Variants in TRAK1 observed in about 807,000 individuals in gnomAD.
TRAK1 encodes the protein trafficking kinesin protein 1.
In TRAK1, 33 loss-of-function variants were observed where a neutral mutation model predicts 92.1. The ratio of observed to expected loss-of-function variants is 0.36; its 90% confidence interval spans 0.27 to 0.48. The LOEUF (loss-of-function observed/expected upper bound fraction) is 0.48. TRAK1 is among the 20% of genes least tolerant of loss of function. The probability of loss-of-function intolerance (pLI) is 0.99; values close to 1 mark genes in which losing one functional copy is unlikely to be tolerated. For missense variants in TRAK1, 1,123 were observed against 1,257.9 expected, an observed-to-expected ratio of 0.89 and a Z score of 1.62; for synonymous variants, 521 against 517.3, an observed-to-expected ratio of 1.01 and a Z score of -0.10.
Position 42,110,108 on chromosome 3 carries a change from A to G in TRAK1, c.92-15312A>G, listed in dbSNP as rs1328846032. On this transcript the variant is annotated intron_variant, in intron 1 of 15. Coordinates refer to ENST00000327628, the MANE Select transcript of TRAK1 (RefSeq NM_001042646.3). ...TAGAACTTAAAGTATATATATATAT[A>G]TATATATATATATATATATATATAA... is the stretch of plus-strand genomic sequence containing the variant. 4.1e-4 allele frequency among the ~76,000 whole-genome samples: 53 copies of G among 129,484 alleles called. 2 individuals carry two copies. Among genetic ancestry groups the G allele is most frequent in the African/African-American group, 1.4e-3 (48 of 33,228 alleles). 84.9% of individuals were successfully genotyped at this position (129,484 alleles called of 152,430 possible).
rs1298621115 is a variant in TRAK1, at chr3:42,189,188, C to T, written c.690+64C>T. ...TGGTGGCCCCATTCGCCTTATCTGG[C>T]AAGGACAACCATGGTTAAGTGCCCT... On this transcript the variant is annotated intron_variant, in intron 6 of 15. Transcript: ENST00000327628. 3.2e-6 allele frequency: 4 copies of T among 1,254,048 alleles called. No individual in the cohort carries two copies. The African/African-American group carries it at 4.4e-5, about 14-fold the overall frequency. 77.7% of individuals were successfully genotyped at this position (1,254,048 alleles called of 1,614,324 possible). A position where few individuals can be genotyped will look rare whatever the true frequency, so the allele number is the denominator to read the frequency against.
At chr3:42,061,780 C>G (rs1469865742) in intron 1 of TRAK1, among the ~76,000 whole-genome samples, 1 of 152,168 alleles carries the variant, frequency 6.6e-6, no homozygotes, top group Non-Finnish European at 1.5e-5. Flanking sequence ...ACTAATGAAT[C>G]AGGAGCAACA....
chr3:42,096,817 T>A (rs1320541975), intron 1 of TRAK1, among the ~76,000 whole-genome samples: 1 of 152,176 alleles, frequency 6.6e-6, no homozygotes, highest in Non-Finnish European at 1.5e-5. Flanking sequence ...GTAAGTTGTT[T>A]TCAGTTCTTG....
At chr3:42,188,240 G>A (rs1705183850) in intron 5 of TRAK1, 95 bp downstream of exon 5, 3 of 1,123,186 alleles carry the variant, frequency 2.7e-6, no homozygotes, top group Non-Finnish European at 4.1e-6. Context: ...ACCTTCAGCA[G>A]CAATGGAGGT....
At chr3:42,210,929 G>C (rs1053347693) in intron 14 of TRAK1, 1 of 985,292 alleles carries the variant, frequency 1.0e-6, no homozygotes, top group Non-Finnish European at 1.2e-6. Context: ...GAAAAGCTTT[G>C]TGCTCAGAGC....
chr3:42,151,229 C>T, intron 2 of TRAK1: 1 of 402,074 alleles, frequency 2.5e-6, no homozygotes, highest in Non-Finnish European at 4.8e-6. Context: ...CCATCCAGTT[C>T]CCTTTACACC....
intron 1 of TRAK1, among the ~76,000 whole-genome samples, chr3:42,041,363 C>T (rs2148902108): frequency 6.6e-6 from 1 of 151,788 alleles, no homozygotes; most frequent in Non-Finnish European, 1.5e-5. Context: ...TATTTTATTC[C>T]TTTTGATGTT....
intron 2 of TRAK1, among the ~76,000 whole-genome samples, chr3:42,154,677 T>A (rs1317967731): frequency 6.6e-6 from 1 of 152,154 alleles, no homozygotes; most frequent in Non-Finnish European, 1.5e-5. Context: ...GTGATCCTCC[T>A]GTCTCAGCCT....
chr3:42,213,335 G>C (rs529117468), intron 14 of TRAK1, among the ~76,000 whole-genome samples: 15 of 152,252 alleles, frequency 9.9e-5, no homozygotes, highest in African/African-American at 3.6e-4. Flanking sequence ...GGGATTCCTG[G>C]TGTGAGCCAC....
chr3:42,068,045 C>T (rs531066770), intron 1 of TRAK1, among the ~76,000 whole-genome samples: 112 of 151,528 alleles, frequency 7.4e-4, no homozygotes, highest in Non-Finnish European at 8.5e-4. Flanking sequence ...ATGGTGGGTG[C>T]CTGTAATGGG....
At chr3:42,125,756 G>C in intron 2 of TRAK1, 142 bp downstream of exon 2, 1 of 879,712 alleles carries the variant, frequency 1.1e-6, no homozygotes, top group Non-Finnish European at 1.7e-6. Context: ...TGCGGCTGTA[G>C]GGGTTAACCG....
chr3:42,063,703 G>T (rs1350900538), intron 1 of TRAK1, among the ~76,000 whole-genome samples: 1 of 144,512 alleles, frequency 6.9e-6, no homozygotes, highest in Non-Finnish European at 1.5e-5. Flanking sequence ...AAAAAAAAAA[G>T]TGGTGGGAGC....
intron 1 of TRAK1, among the ~76,000 whole-genome samples, chr3:42,047,200 CTTTTTTTTTTTTTTTTT>C (rs561224807): frequency 9.3e-6 from 1 of 107,154 alleles, no homozygotes; most frequent in Non-Finnish European, 1.9e-5. Flanking sequence ...AAAAACTGAT[CTTTTTTTTTTTTTTTTT>C]TTTTTTTTAA....
chr3:42,209,545 C>G (rs775449629), intron 13 of TRAK1, among the ~76,000 whole-genome samples: 9 of 152,160 alleles, frequency 5.9e-5, no homozygotes, highest in Non-Finnish European at 7.4e-5. Flanking sequence ...GATTTCTTAA[C>G]TTGCTATTCC....
intron 12 of TRAK1, among the ~76,000 whole-genome samples, chr3:42,201,460 C>CAAA (rs57638665): frequency 7.2e-6 from 1 of 139,618 alleles, no homozygotes. Context: ...GACTCTGTCT[C>CAAA]AAAAAAAAAA....
chr3:42,075,222 T>A (rs1704099109), intron 1 of TRAK1, among the ~76,000 whole-genome samples: 1 of 151,532 alleles, frequency 6.6e-6, no homozygotes. Flanking sequence ...ACGCCTATAA[T>A]CCCAGCTACT....
At chr3:42,050,731 C>T (rs1702946023) in intron 1 of TRAK1, among the ~76,000 whole-genome samples, 1 of 152,100 alleles carries the variant, frequency 6.6e-6, no homozygotes, top group Non-Finnish European at 1.5e-5. Context: ...TATCTCAGCT[C>T]ACTGCAACCT....
intron 2 of TRAK1, among the ~76,000 whole-genome samples, chr3:42,142,894 C>T (rs1698847588): frequency 6.6e-6 from 1 of 152,188 alleles, no homozygotes; most frequent in African/African-American, 2.4e-5. Flanking sequence ...GCATGGTAGT[C>T]CTTTTAAGAT....
chr3:42,057,059 G>T (rs1027692215), intron 1 of TRAK1, among the ~76,000 whole-genome samples: 3 of 152,188 alleles, frequency 2.0e-5, no homozygotes, highest in African/African-American at 7.2e-5. Context: ...CACTTTGGCC[G>T]ATTGAGATCC....
Sources: gnomAD v4.1 joint callset for allele counts (sites outside exome capture counted in the v4.1 genomes callset) on GRCh38, gnomAD v4.1.1 for gene constraint, MANE v1.5 for transcripts, NCBI Gene and HGNC (gene_info 2026-07-23, HGNC 2026-07-21) for gene names.